ACSS3: variants seen among roughly 807,000 people sequenced by gnomAD.
ACSS3 encodes acyl-CoA synthetase short-chain family member 3, mitochondrial.
A neutral mutation model predicts 84.2 loss-of-function variants in ACSS3; 64 were observed. The ratio of observed to expected loss-of-function variants is 0.76; its 90% CI spans 0.62 to 0.94. The LOEUF is 0.94. ACSS3 is among the 40% of genes least tolerant of loss of function. ACSS3 has a pLI of 0.00. For missense variants in ACSS3, 815 were observed against 867.6 expected, an observed-to-expected ratio of 0.94 and a Z score of 0.76; for synonymous variants, 317 against 310.1, an observed-to-expected ratio of 1.02 and a Z score of -0.23.
At chr12:81,142,250 T>C (rs938570885) in intron 4 of ACSS3, among the ~76,000 whole-genome samples, 1 of 152,178 alleles carries the variant, frequency 6.6e-6, no homozygotes, top group South Asian at 2.1e-4. Context: ...TCGCCAATTA[T>C]AAACTTCCTG....
At chr12:81,105,320 T>G (rs1339587821) in intron 1 of ACSS3, among the ~76,000 whole-genome samples, 1 of 152,122 alleles carries the variant, frequency 6.6e-6, no homozygotes, top group East Asian at 1.9e-4. Flanking sequence ...CAAATGGAAA[T>G]TTTAGAACTT....
intron 13 of ACSS3, among the ~76,000 whole-genome samples, chr12:81,243,624 A>C (rs1331147575): frequency 6.6e-6 from 1 of 152,242 alleles, no homozygotes; most frequent in Admixed American, 6.5e-5. Context: ...ACAAGGCTAC[A>C]GTAACCAAAA....
chr12:81,142,024 A>G (rs974919906), intron 4 of ACSS3, among the ~76,000 whole-genome samples: 22 of 152,336 alleles, frequency 1.4e-4, no homozygotes, highest in Middle Eastern at 3.4e-3. Context: ...TAATTGGTAA[A>G]TGTACCTATT....
chr12:81,206,568 A>C (rs919701983), intron 9 of ACSS3, among the ~76,000 whole-genome samples: 1 of 152,116 alleles, frequency 6.6e-6, no homozygotes, highest in African/African-American at 2.4e-5. Context: ...TTATATAGAC[A>C]CAGTGTCATC....
intron 9 of ACSS3, among the ~76,000 whole-genome samples, chr12:81,214,818 G>A (rs2135938776): frequency 6.6e-6 from 1 of 152,290 alleles, no homozygotes; most frequent in African/African-American, 2.4e-5. Context: ...GGTAACTGGT[G>A]TGTCCCTATT....
At chr12:81,204,267 TCTATTCTTCCTTCCTC>T in intron 9 of ACSS3, among the ~76,000 whole-genome samples, 2 of 150,904 alleles carry the variant, frequency 1.3e-5, no homozygotes, top group Non-Finnish European at 3.0e-5. Flanking sequence ...TCTACTTTTT[TCTATTCTTCCTTCCTC>T]CTCTTCTTCC....
chr12:81,162,810 A>G (rs1444367336), intron 7 of ACSS3, among the ~76,000 whole-genome samples: 2 of 152,072 alleles, frequency 1.3e-5, no homozygotes, highest in Non-Finnish European at 1.5e-5. Context: ...AGAGGGGGCC[A>G]AGGAGGTAGG....
intron 1 of ACSS3, among the ~76,000 whole-genome samples, chr12:81,108,934 G>A (rs184445458): frequency 7.2e-4 from 109 of 152,188 alleles, no homozygotes; most frequent in African/African-American, 2.5e-3. Context: ...AACATTGATC[G>A]ATTAAGAGAT....
At chr12:81,232,351 C>T (rs2033494392) in intron 12 of ACSS3, among the ~76,000 whole-genome samples, 1 of 151,786 alleles carries the variant, frequency 6.6e-6, no homozygotes, top group African/African-American at 2.4e-5. Context: ...TTTACCTGAT[C>T]TCAAACCTGT....
intron 13 of ACSS3, among the ~76,000 whole-genome samples, chr12:81,235,976 C>T (rs1015958210): frequency 6.6e-6 from 1 of 151,254 alleles, no homozygotes; most frequent in Non-Finnish European, 1.5e-5. Flanking sequence ...TTTTTCTTGC[C>T]TTTTGGAACT....
chr12:81,136,250 G>C (rs1293083581), intron 3 of ACSS3, among the ~76,000 whole-genome samples: 1 of 152,136 alleles, frequency 6.6e-6, no homozygotes, highest in Non-Finnish European at 1.5e-5. Context: ...TATGAATTTA[G>C]TGCAGGAGTT....
chr12:81,113,349 A>G (rs1490312046), intron 2 of ACSS3, among the ~76,000 whole-genome samples: 1 of 152,154 alleles, frequency 6.6e-6, no homozygotes, highest in East Asian at 1.9e-4. Context: ...CTTATGGTCC[A>G]TGTTACCTGA....
intron 8 of ACSS3, among the ~76,000 whole-genome samples, chr12:81,179,778 CAAA>C (rs201290758): frequency 3.3e-4 from 24 of 73,474 alleles, no homozygotes; most frequent in African/African-American, 1.1e-3. Flanking sequence ...GACTCCGTCT[CAAA>C]AAAAAAAAAA....
chr12:81,095,566 C>G (rs1413838601), intron 1 of ACSS3, among the ~76,000 whole-genome samples: 2 of 152,142 alleles, frequency 1.3e-5, no homozygotes, highest in African/African-American at 4.8e-5. Flanking sequence ...TACTGTCAGG[C>G]ATGACTCACA....
In ACSS3 at chr12:81,172,466, C is replaced by T. The variant is rs552280375; in HGVS notation, c.1099-2322C>T. On this transcript the variant is annotated intron_variant, in intron 7 of 15. Coordinates refer to ENST00000548058, the MANE Select transcript of ACSS3 (RefSeq NM_024560.4). ...TTAATTCTTTAGGGGCTGTCTCATCCGCTGTAGTATTTCGGGCATGCACCT... is the reference window on the plus strand; with the variant it reads ...TTAATTCTTTAGGGGCTGTCTCATCTGCTGTAGTATTTCGGGCATGCACCT... Among the ~76,000 whole-genome samples the T allele has an allele frequency of 9.2e-5, 14 of 151,838 alleles. No homozygotes were observed. The South Asian group carries it at 2.1e-3, about 23-fold the overall frequency.
intron 1 of ACSS3, among the ~76,000 whole-genome samples, chr12:81,079,313 G>T (rs754790332): frequency 6.6e-5 from 10 of 152,206 alleles, no homozygotes; most frequent in Non-Finnish European, 1.3e-4. Flanking sequence ...TACTCTTAGA[G>T]TGTGGCTCCT....
intron 2 of ACSS3, among the ~76,000 whole-genome samples, chr12:81,123,655 G>A (rs974504288): frequency 8.6e-5 from 13 of 151,936 alleles, no homozygotes; most frequent in South Asian, 2.1e-4. Flanking sequence ...AGTGTCTATC[G>A]TTCTCATCTC....
chr12:81,097,272 G>T (rs943475120), intron 1 of ACSS3, among the ~76,000 whole-genome samples: 2 of 152,122 alleles, frequency 1.3e-5, no homozygotes, highest in African/African-American at 4.8e-5. Flanking sequence ...GGCCAGACCA[G>T]TTCCATTGCA....
chr12:81,103,488 G>A (rs1393914383), intron 1 of ACSS3, among the ~76,000 whole-genome samples: 1 of 152,010 alleles, frequency 6.6e-6, no homozygotes, highest in Non-Finnish European at 1.5e-5. Context: ...TTTGAGCTGG[G>A]CAGCTTCTTG....
Sources: gnomAD v4.1 joint callset for allele counts (sites outside exome capture counted in the v4.1 genomes callset) on GRCh38, gnomAD v4.1.1 for gene constraint, MANE v1.5 for transcripts, NCBI Gene and HGNC (gene_info 2026-07-23, HGNC 2026-07-21) for gene names.